GLIPR1: variants seen among roughly 807,000 people sequenced by gnomAD.
GLIPR1 encodes glioma pathogenesis-related protein 1.
Under a neutral mutation model 30.3 loss-of-function variants are expected in GLIPR1, and 38 were observed. That is an observed-to-expected ratio of 1.26 (90% CI 0.97 to 1.65). The LOEUF (loss-of-function observed/expected upper bound fraction) is 1.65. GLIPR1 is among the 40% of genes most tolerant of loss of function. The pLI is 0.00. For synonymous variants in GLIPR1, 122 were observed against 110.6 expected, an observed-to-expected ratio of 1.10 and a Z score of -0.65; for missense variants, 285 against 326.5, an observed-to-expected ratio of 0.87 and a Z score of 0.98.
At chr12:75,487,486 C>T (rs1437877948) in intron 2 of GLIPR1, among the ~76,000 whole-genome samples, 1 of 152,208 alleles carries the variant, frequency 6.6e-6, no homozygotes, top group Non-Finnish European at 1.5e-5. Context: ...GGCTGGAGTT[C>T]CCCGCAGGGG....
Position 75,499,587 on chromosome 12 carries a change from G to C in GLIPR1, c.*609G>C. 3.8e-6 allele frequency: 1 copy of C among 266,122 alleles called. No homozygotes were observed. Among genetic ancestry groups the C allele is most frequent in the Non-Finnish European group, 6.8e-6 (1 of 146,734 alleles). 16.5% of individuals were successfully genotyped at this position (266,122 alleles called of 1,614,324 possible). Reference sequence around the variant, plus strand: ...ACTGGATTTAATGGATAATCACAATGGTCGTAATGTATACAAAGACTTATA... The same window carrying C: ...ACTGGATTTAATGGATAATCACAATCGTCGTAATGTATACAAAGACTTATA... On this transcript the variant is annotated 3_prime_UTR_variant, in exon 6 of 6. Transcript: ENST00000266659.
At chr12:75,495,530 TA>T in intron 3 of GLIPR1, 46 bp from the exon 4 acceptor site, 1 of 1,114,476 alleles carries the variant, frequency 9.0e-7, no homozygotes, top group Non-Finnish European at 1.4e-6. Flanking sequence ...ATTGCAATTT[TA>T]AAAAACCGAA....
intron 3 of GLIPR1, chr12:75,494,212 C>G (rs1373690207): frequency 6.6e-6 from 1 of 152,122 alleles, no homozygotes; most frequent in African/African-American, 2.4e-5. Flanking sequence ...GGTGAGAGTT[C>G]TCAACTTTGG....
At chr12:75,488,728 A>G (rs995110553) in intron 2 of GLIPR1, among the ~76,000 whole-genome samples, 4 of 152,172 alleles carry the variant, frequency 2.6e-5, no homozygotes, top group African/African-American at 9.7e-5. Flanking sequence ...GGGATCACAC[A>G]GGATGTTGCC....
At chr12:75,497,061 TTAACCAGTATACA>T (rs2046355934) in intron 4 of GLIPR1, 1 of 152,230 alleles carries the variant, frequency 6.6e-6, no homozygotes. Context: ...TCCTTCCAAA[TTAACCAGTATACA>T]TAAGGGCTAA....
rs751946450 is a variant in GLIPR1, at chr12:75,501,951, T to C, written c.*2973T>C. On this transcript the variant is annotated 3_prime_UTR_variant, in exon 6 of 6. Coordinates refer to ENST00000266659, the MANE Select transcript of GLIPR1 (RefSeq NM_006851.3). ...TATTGCTTCCATTTTCTGCCGCTTCTTCTGATTTGCCTTCAAAAAGTATTC... is the reference window on the plus strand; with the variant it reads ...TATTGCTTCCATTTTCTGCCGCTTCCTCTGATTTGCCTTCAAAAAGTATTC... 14 of 1,612,692 alleles carry C rather than the reference T, an allele frequency of 8.7e-6. No homozygotes were observed. The African/African-American group carries it at 1.7e-4, about 20-fold the overall frequency.
chr12:75,485,561 A>ATTTTTTTTTTTT (rs1555239149), intron 2 of GLIPR1, among the ~76,000 whole-genome samples: 2 of 148,784 alleles, frequency 1.3e-5, no homozygotes, highest in African/African-American at 4.9e-5. Flanking sequence ...TTATTTATTT[A>ATTTTTTTTTTTT]TTTTTTTGAG....
rs1227822913 is a variant in GLIPR1 at position 75,481,940 on chromosome 12, C to A, written c.281C>A (p.Thr94Asn). The A allele has an allele frequency of 6.2e-7, 1 of 1,614,192 alleles. No homozygotes were observed. The change falls in exon 2 of 6, where the codon ACT (threonine) becomes AAT (asparagine). Residue 94 changes from threonine to asparagine, a missense_variant. By Grantham distance (65) the Thr-to-Asn change is moderately conservative. Transcript: ENST00000266659. The part of the protein sequence containing the change: ...KPPHKLHPNF[T>N]SLGENIWTGS... ...CCCCACAAGCTGCACCCAAACTTCA[C>A]TTCACTGGGAGAGAACATCTGGACT...
At chr12:75,498,248 T>A (rs2046363816) in intron 4 of GLIPR1, 1 of 152,718 alleles carries the variant, frequency 6.5e-6, no homozygotes, top group African/African-American at 2.4e-5. Flanking sequence ...AACATCGTAA[T>A]GATGATTTAG....
Position 75,499,191 on chromosome 12 carries a change from T to C in GLIPR1, c.*213T>C, listed in dbSNP as rs2046372776. ...AGCATTATTTGCAGGTTGCCACAGG[T>C]GGACTTTTAGTAAGTAACCTAACCC... On this transcript the variant is annotated 3_prime_UTR_variant, in exon 6 of 6. Transcript: ENST00000266659. The C allele has an allele frequency of 2.6e-6, 1 of 388,540 alleles. No individual in the cohort carries two copies. Among genetic ancestry groups the C allele is most frequent in the East Asian group, 4.3e-5 (1 of 23,454 alleles). 24.1% of individuals were successfully genotyped at this position (388,540 alleles called of 1,614,324 possible).
In GLIPR1 at chr12:75,481,909, A is replaced by G. The variant is rs2046272832; in HGVS notation, c.250A>G (p.Lys84Glu). 1 of 1,614,174 alleles carries G rather than the reference A, an allele frequency of 6.2e-7. No homozygotes were observed. Among genetic ancestry groups the G allele is most frequent in the East Asian group, 2.2e-5 (1 of 44,884 alleles). ...CCAGTTTTCACATAATACACGGCTG[A>G]AGCCACCCCACAAGCTGCACCCAAA... ...NCQFSHNTRL[K>E]PPHKLHPNFT... is the part of the protein sequence containing the mutation. Residue 84 changes from lysine (K) to glutamate (E), a missense_variant, in exon 2 of 6, where the codon AAG becomes GAG. Transcript: ENST00000266659.
chr12:75,497,453 T>G (rs545734323), intron 4 of GLIPR1: 1 of 152,334 alleles, frequency 6.6e-6, no homozygotes, highest in South Asian at 2.1e-4. Flanking sequence ...GCTCAACATC[T>G]TACAGATTGA....
In GLIPR1 at chr12:75,480,919, T is replaced by C. The variant is rs749169338; in HGVS notation, c.39T>C (p.Ser13=). ...VTLATIAWMV[S]FVSNYSHTAN... ...TTGCTACAATAGCCTGGATGGTTTC[T>C]TTTGTCTCCAATTATTCACACACAG... The change falls in exon 1 of 6, where the codon TCT becomes TCC. Residue 13 remains serine (S), a synonymous_variant. Transcript: ENST00000266659. 6.2e-7 allele frequency: 1 copy of C among 1,613,774 alleles called. No homozygotes were observed. Among genetic ancestry groups the C allele is most frequent in the African/African-American group, 1.3e-5 (1 of 74,918 alleles).
rs956067480 is a variant in GLIPR1 at position 75,502,020 on chromosome 12, C to T, written c.*3042C>T. On this transcript the variant is annotated 3_prime_UTR_variant, in exon 6 of 6. Transcript: ENST00000266659. ...ATCGATCTGTTGAAAACGGTATTTA[C>T]AATTACATCAGAAATAATGTAGAGG... 4.4e-6 allele frequency: 7 copies of T among 1,584,122 alleles called. No homozygotes were observed. In the African/African-American group the frequency reaches 9.4e-5, roughly 21 times the overall value.
rs1188576530 is a variant in GLIPR1 at position 75,498,683 on chromosome 12, T to A, written c.620-11T>A. On this transcript the variant is annotated splice_polypyrimidine_tract_variant and intron_variant, in intron 4 of 5. Transcript: ENST00000266659. Reference sequence around the variant, plus strand: ...TTTAATTTTTTTTCTTTCTTCCCCCTAACTTTACAGTTAACCGACAGCGAG... The same window carrying A: ...TTTAATTTTTTTTCTTTCTTCCCCCAAACTTTACAGTTAACCGACAGCGAG... The A allele has an allele frequency of 1.2e-6, 2 of 1,610,262 alleles. No individual in the cohort carries two copies.
In GLIPR1 at chr12:75,503,336, C is replaced by T. The variant is rs2279246; in HGVS notation, c.*4358C>T. 7,448 of 152,036 alleles carry T rather than the reference C, an allele frequency of 0.049. 250 individuals carry two copies. Among genetic ancestry groups the T allele is most frequent in the East Asian group, 0.17 (877 of 5,164 alleles). 9.4% of individuals were successfully genotyped at this position (152,036 alleles called of 1,614,324 possible). Reference sequence around the variant, plus strand: ...TTTCTCTAACTTAATTTGGTAGCCACGTTGCAAGGAAGAAGTCAAGTTTTT... The same window carrying T: ...TTTCTCTAACTTAATTTGGTAGCCATGTTGCAAGGAAGAAGTCAAGTTTTT... On this transcript the variant is annotated 3_prime_UTR_variant, in exon 6 of 6. Coordinates refer to ENST00000266659, the MANE Select transcript of GLIPR1 (RefSeq NM_006851.3).
At chr12:75,495,355 G>C (rs1157699093) in intron 3 of GLIPR1, 3 of 419,918 alleles carry the variant, frequency 7.1e-6, no homozygotes, top group Non-Finnish European at 1.3e-5. Context: ...AATTAAATGG[G>C]ATGCAGATTA....
At chr12:75,497,039 GTA>G (rs1566100596) in intron 4 of GLIPR1, 1 of 152,072 alleles carries the variant, frequency 6.6e-6, no homozygotes, top group East Asian at 1.9e-4. Flanking sequence ...ACTTCAGAAC[GTA>G]TATATTTCTT....
chr12:75,500,526 T>A lies in GLIPR1; in HGVS notation c.*1548T>A, dbSNP rs1286067563. 6.6e-6 allele frequency: 1 copy of A among 151,968 alleles called. No individual in the cohort carries two copies. The highest frequency in any genetic ancestry group is 1.5e-5 in the Non-Finnish European group (1 of 67,950). The allele number at this position is 151,968 out of a possible 1,614,324, so 9.4% of individuals were successfully genotyped here. A position where few individuals can be genotyped will look rare whatever the true frequency, so the allele number is the denominator to read the frequency against. On this transcript the variant is annotated 3_prime_UTR_variant, in exon 6 of 6. Coordinates refer to ENST00000266659, the MANE Select transcript of GLIPR1 (RefSeq NM_006851.3). ...TTTAATGTTAGATTAATTCATTGAA[T>A]ATTAATTCAATGAATGACTAATTAA...
Sources: allele counts gnomAD v4.1 joint callset (sites outside exome capture counted in the v4.1 genomes callset), GRCh38; gene constraint gnomAD v4.1.1; transcripts MANE v1.5; gene names NCBI Gene and HGNC (gene_info 2026-07-23, HGNC 2026-07-21).